Variants in MAMLD1 observed in about 807,000 individuals in gnomAD.
MAMLD1 encodes mastermind like domain containing 1.
Under a neutral mutation model 45.0 loss-of-function variants are expected in MAMLD1, and 14 were observed. The ratio of observed to expected loss-of-function variants is 0.31; its 90% CI spans 0.21 to 0.49. The LOEUF is 0.49. Among genes scored for constraint, MAMLD1 ranks in the 20% least tolerant of loss-of-function variants. The probability of loss-of-function intolerance (pLI) is 0.99; values close to 1 mark genes in which losing one functional copy is unlikely to be tolerated. For synonymous variants in MAMLD1, 254 were observed against 247.8 expected (o/e 1.02, Z -0.24); for missense variants, 543 against 603.6 (o/e 0.90, Z 1.05).
intron 1 of MAMLD1, among the ~76,000 whole-genome samples, chrX:150,403,781 G>T (rs1255735103): frequency 1.9e-5 from 2 of 103,819 alleles, no homozygotes; most frequent in African/African-American, 7.1e-5. Flanking sequence ...CTCCAGCCTG[G>T]GGTGACAGAC....
chrX:150,502,170 T>A (rs1036541804), intron 5 of MAMLD1, among the ~76,000 whole-genome samples: 6 of 113,158 alleles, frequency 5.3e-5, no homozygotes, highest in Non-Finnish European at 7.5e-5. Flanking sequence ...TGAACTATTA[T>A]CCATTGCAAA....
chrX:150,506,376 T>C (rs1557408825), intron 6 of MAMLD1, among the ~76,000 whole-genome samples: 1 of 105,901 alleles, frequency 9.4e-6, no homozygotes, highest in Non-Finnish European at 2.0e-5. Context: ...TCTTCTTTAT[T>C]CTCTCTCCCT....
chrX:150,507,593 G>A (rs2037768568), intron 6 of MAMLD1, among the ~76,000 whole-genome samples: 1 of 112,132 alleles, frequency 8.9e-6, no homozygotes, highest in Admixed American at 9.4e-5. Context: ...TGCAGAGCTG[G>A]CCACCGGCAC....
chrX:150,430,124 C>G (rs1287906986), intron 1 of MAMLD1, among the ~76,000 whole-genome samples: 4 of 93,731 alleles, frequency 4.3e-5, no homozygotes, highest in Non-Finnish European at 8.2e-5. Flanking sequence ...TGGGTTCAAG[C>G]GATTCTCCTG....
At chrX:150,486,426 C>T (rs1176484368) in intron 5 of MAMLD1, among the ~76,000 whole-genome samples, 1 of 111,979 alleles carries the variant, frequency 8.9e-6, no homozygotes, top group Non-Finnish European at 1.9e-5. Flanking sequence ...GTGTCCCCCG[C>T]TAGAACCTTG....
intron 3 of MAMLD1, among the ~76,000 whole-genome samples, chrX:150,467,965 C>T (rs782518815): frequency 2.7e-5 from 3 of 112,442 alleles, no homozygotes; most frequent in African/African-American, 9.7e-5. Context: ...GAGAAAAGAA[C>T]TATAATTACA....
At chrX:150,431,015 G>A (rs1354824510) in intron 1 of MAMLD1, among the ~76,000 whole-genome samples, 1 of 112,210 alleles carries the variant, frequency 8.9e-6, no homozygotes, top group Non-Finnish European at 1.9e-5. Flanking sequence ...GGTTAAACCT[G>A]GATGTCTATT....
At chrX:150,409,223 C>T (rs959296225) in intron 1 of MAMLD1, among the ~76,000 whole-genome samples, 14 of 111,789 alleles carry the variant, frequency 1.3e-4, no homozygotes, top group African/African-American at 4.6e-4. Flanking sequence ...CAGTGTGGTG[C>T]TTCAGAGTGT....
chrX:150,459,165 G>T lies in MAMLD1; in HGVS notation c.97-3607G>T, dbSNP rs148228195. Among the ~76,000 whole-genome samples, 13 of 111,411 alleles carry T rather than the reference G, an allele frequency of 1.2e-4. No homozygotes were observed. The East Asian group carries it at 3.1e-3, about 27-fold the overall frequency. ...CAGGAAAGGAGGGGGAGGCTGCGTG[G>T]GTTCAGCAGGGGTGTCTCCTGACTG... is the stretch of plus-strand genomic sequence containing the variant. On this transcript the variant is annotated intron_variant, in intron 2 of 7. Transcript: ENST00000370401.
At chrX:150,463,759 C>T (rs2036127937) in intron 3 of MAMLD1, among the ~76,000 whole-genome samples, 1 of 111,030 alleles carries the variant, frequency 9.0e-6, no homozygotes, top group African/African-American at 3.3e-5. Context: ...ATGACTGTGG[C>T]AGCCTTCAGA....
chrX:150,416,163 G>GT (rs1302777441), intron 1 of MAMLD1, among the ~76,000 whole-genome samples: 9 of 111,609 alleles, frequency 8.1e-5, no homozygotes, highest in African/African-American at 2.9e-4. Flanking sequence ...GAGAGTTTTG[G>GT]TTTTTTTCAA....
chrX:150,417,942 G>T (rs1207489322), intron 1 of MAMLD1, among the ~76,000 whole-genome samples: 1 of 111,090 alleles, frequency 9.0e-6, no homozygotes, highest in East Asian at 2.8e-4. Flanking sequence ...TCTGAATGAT[G>T]CTGGCCTCAT....
chrX:150,425,813 G>A (rs917053206), intron 1 of MAMLD1, among the ~76,000 whole-genome samples: 1 of 112,402 alleles, frequency 8.9e-6, no homozygotes, highest in Non-Finnish European at 1.9e-5. Flanking sequence ...GGGAGCACCT[G>A]TACAGAAGGC....
At chrX:150,471,947 C>A (rs1173026423) in intron 4 of MAMLD1, among the ~76,000 whole-genome samples, 2 of 112,562 alleles carry the variant, frequency 1.8e-5, no homozygotes, top group African/African-American at 6.5e-5. Context: ...GCAACCTCAG[C>A]ATGCCATTTG....
intron 5 of MAMLD1, among the ~76,000 whole-genome samples, chrX:150,480,724 A>T (rs782793198): frequency 8.9e-6 from 1 of 112,647 alleles, no homozygotes; most frequent in East Asian, 2.8e-4. Flanking sequence ...GCACAGAGCC[A>T]CAGGCCTTGG....
intron 1 of MAMLD1, among the ~76,000 whole-genome samples, chrX:150,434,229 T>C (rs1336735870): frequency 5.4e-5 from 6 of 111,595 alleles, no homozygotes; most frequent in Non-Finnish European, 1.1e-4. Context: ...TTTTTGTATT[T>C]CTGTTGGGTC....
In MAMLD1 at chrX:150,512,568, G is replaced by A; in HGVS notation, c.*609G>A. On this transcript the variant is annotated 3_prime_UTR_variant, in exon 8 of 8. Transcript: ENST00000370401. ...GAGGCACAAGTGCCCGCTGCGATGGGAACACAAGTGCCCCTGGCCAACAAC... is the reference window on the plus strand; with the variant it reads ...GAGGCACAAGTGCCCGCTGCGATGGAAACACAAGTGCCCCTGGCCAACAAC... 8.7e-7 allele frequency: 1 copy of A among 1,155,400 alleles called. No individual in the cohort carries two copies. Among genetic ancestry groups the A allele is most frequent in the Non-Finnish European group, 1.1e-6 (1 of 872,571 alleles).
chrX:150,425,791 G>A (rs781953274), intron 1 of MAMLD1, among the ~76,000 whole-genome samples: 9 of 112,249 alleles, frequency 8.0e-5, no homozygotes, highest in Admixed American at 7.5e-4. Context: ...CCAAGGACCT[G>A]GGGAACACAG....
intron 1 of MAMLD1, among the ~76,000 whole-genome samples, chrX:150,426,877 T>C (rs1343748801): frequency 2.7e-5 from 3 of 112,095 alleles, no homozygotes; most frequent in Non-Finnish European, 5.6e-5. Flanking sequence ...CCCCAATGTA[T>C]TAGTTTGCTA....
Sources: allele counts gnomAD v4.1 joint callset (sites outside exome capture counted in the v4.1 genomes callset), GRCh38; gene constraint gnomAD v4.1.1; transcripts MANE v1.5; gene names NCBI Gene and HGNC (gene_info 2026-07-23, HGNC 2026-07-21).